ADNP2: variants seen among roughly 807,000 people sequenced by gnomAD.
The protein encoded by ADNP2 is ADNP homeobox 2, also known as activity-dependent neuroprotector homeobox protein 2.
In ADNP2, 8 loss-of-function variants were observed where a neutral mutation model predicts 16.4. The ratio of observed to expected loss-of-function variants is 0.49; its 90% confidence interval spans 0.29 to 0.88. The LOEUF (loss-of-function observed/expected upper bound fraction) is 0.88, where lower values mean the gene tolerates loss of function less well. Ranked by LOEUF, ADNP2 falls within the 40% of genes least tolerant of loss-of-function variation. The probability of loss-of-function intolerance (pLI) is 0.09; values close to 1 mark genes in which losing one functional copy is unlikely to be tolerated. For synonymous variants in ADNP2, 637 were observed against 545.8 expected, an observed-to-expected ratio of 1.17 and a Z score of -2.33; for missense variants, 1,397 against 1,395.1, an observed-to-expected ratio of 1.00 and a Z score of -0.02.
At chr18:80,112,270 C>G (rs944843579) in intron 1 of ADNP2, among the ~76,000 whole-genome samples, 2 of 152,198 alleles carry the variant, frequency 1.3e-5, no homozygotes, top group Non-Finnish European at 2.9e-5. Context: ...AAGAATGGAT[C>G]TAAGAATGAA....
chr18:80,114,297 A>C (rs142894143), intron 1 of ADNP2, among the ~76,000 whole-genome samples: 1 of 152,334 alleles, frequency 6.6e-6, no homozygotes, highest in African/African-American at 2.4e-5. Context: ...AGATGTTAGT[A>C]ATCTTAATAG....
At chr18:80,112,668 ATC>A (rs771258034) in intron 1 of ADNP2, among the ~76,000 whole-genome samples, 6 of 152,136 alleles carry the variant, frequency 3.9e-5, no homozygotes, top group Non-Finnish European at 8.8e-5. Flanking sequence ...CCCCTGCCCA[ATC>A]TCTGAGAGCC....
chr18:80,112,200 A>G (rs1378568137), intron 1 of ADNP2, among the ~76,000 whole-genome samples: 1 of 152,182 alleles, frequency 6.6e-6, no homozygotes, highest in African/African-American at 2.4e-5. Flanking sequence ...TTCATAGTTA[A>G]TTCATCCACT....
chr18:80,123,663 C>T (rs566561038), intron 2 of ADNP2, among the ~76,000 whole-genome samples: 45 of 152,070 alleles, frequency 3.0e-4, no homozygotes, highest in African/African-American at 9.9e-4. Context: ...GCCACTGTGC[C>T]TGGCCCCTCC....
In ADNP2 at chr18:80,136,036, A is replaced by G; in HGVS notation, c.623A>G (p.Lys208Arg). 6.2e-7 allele frequency: 1 copy of G among 1,614,236 alleles called. No individual in the cohort carries two copies. Among genetic ancestry groups the G allele is most frequent in the Non-Finnish European group, 8.5e-7 (1 of 1,180,040 alleles). Residue 208 changes from lysine to arginine, a missense_variant, in exon 4 of 4, where the codon AAG becomes AGG. Around this residue, in one of 3 missense-constraint regions of ADNP2, gnomAD observed 777 missense variants for 719.4 expected, o/e 1.08. Transcript: ENST00000262198. ...ACTAACGATACTGTTTCTATAGAGA[A>G]GATCCCACCACCTGACAAATATTAC... Reference protein sequence around the residue: ...PKTNDTVSIEKIPPPDKYYCK... With the variant: ...PKTNDTVSIERIPPPDKYYCK...
At chr18:80,113,591 T>C (rs1349084070) in intron 1 of ADNP2, among the ~76,000 whole-genome samples, 1 of 152,266 alleles carries the variant, frequency 6.6e-6, no homozygotes, top group Admixed American at 6.5e-5. Flanking sequence ...ACTTTCTGCA[T>C]ATCTTACGGT....
chr18:80,119,304 TG>T (rs1568409359), intron 2 of ADNP2, among the ~76,000 whole-genome samples: 1 of 150,912 alleles, frequency 6.6e-6, no homozygotes, highest in Admixed American at 6.6e-5. Context: ...GGAAGCCTCT[TG>T]GGGGGCTTAG....
rs746627466 is a variant in ADNP2 at position 80,137,688 on chromosome 18, G to A, written c.2275G>A (p.Glu759Lys). ...CLSCKCLVSE[E>K]ELIHHLLMHG... ...GTCTTGTAAGTGCTTGGTCTCTGAG[G>A]AAGAGCTTATACACCACTTGCTGAT... The change falls in exon 4 of 4, where the codon GAA becomes AAA. Residue 759 changes from glutamate to lysine, a missense_variant. This residue lies in a region of ADNP2 where 611 missense variants were observed against 648.7 expected (regional missense o/e 0.94). Transcript: ENST00000262198. This position sits in a 1 kb window ranked among gnomAD's most constrained non-coding sequence, Gnocchi z 4.2. 2 of 1,614,222 alleles carry A rather than the reference G, an allele frequency of 1.2e-6. No homozygotes were observed. The highest frequency in any genetic ancestry group is 3.3e-5 in the Admixed American group (2 of 60,028).
chr18:80,114,825 G>T (rs752022993), intron 1 of ADNP2, among the ~76,000 whole-genome samples: 5 of 152,072 alleles, frequency 3.3e-5, no homozygotes, highest in Non-Finnish European at 5.9e-5. Flanking sequence ...TTGACAGCTA[G>T]GGCTGGAATC....
At chr18:80,123,627 C>T (rs529674591) in intron 2 of ADNP2, among the ~76,000 whole-genome samples, 13 of 152,312 alleles carry the variant, frequency 8.5e-5, no homozygotes, top group Admixed American at 5.9e-4. Context: ...CCTCGGCCTC[C>T]CAAAGTGCTG....
intron 1 of ADNP2, among the ~76,000 whole-genome samples, chr18:80,116,837 T>A (rs1272014640): frequency 1.3e-5 from 2 of 152,294 alleles, no homozygotes; most frequent in South Asian, 4.1e-4. Flanking sequence ...GGTTTCACCA[T>A]GTTGCCCTGG....
At position 80,117,644 on chromosome 18, in the gene ADNP2, A is replaced by T; in HGVS notation, c.102A>T (p.Leu34Phe). 1 of 1,601,478 alleles carries T rather than the reference A, an allele frequency of 6.2e-7. No individual in the cohort carries two copies. Among genetic ancestry groups the T allele is most frequent in the Non-Finnish European group, 8.5e-7 (1 of 1,175,982 alleles). Residue 34 changes from leucine (L) to phenylalanine (F), a missense_variant, in exon 2 of 4, where the codon TTA becomes TTT. Physicochemically the swap from Leu to Phe is conservative, Grantham distance 22. This residue lies in a region of ADNP2 where 777 missense variants were observed against 719.4 expected (regional missense o/e 1.08). Transcript: ENST00000262198. Reference sequence around the variant, plus strand: ...TTGGGCTTGACAGCTGCAAGGAGTTACTGAAGGTAAGAGGACGTAAGTAGC... The same window carrying T: ...TTGGGCTTGACAGCTGCAAGGAGTTTCTGAAGGTAAGAGGACGTAAGTAGC... ...VDIGLDSCKE[L>F]LKDLKGFDPG...
intron 2 of ADNP2, among the ~76,000 whole-genome samples, chr18:80,128,839 T>A (rs1292457556): frequency 1.3e-5 from 2 of 152,152 alleles, no homozygotes; most frequent in African/African-American, 4.8e-5. Flanking sequence ...CTATGAATGT[T>A]TGAAAATGCA....
At position 80,113,495 on chromosome 18, in the gene ADNP2, CAAT is replaced by C. The variant is rs983149640; in HGVS notation, c.-14+4027_-14+4029del. ...AATTCAGACTTTTCCTTCTTTACCT[CAAT>C]AATTTTTTGATGCTAATTTATTCAC... On this transcript the variant is annotated intron_variant, in intron 1 of 3. Transcript: ENST00000262198. Among the ~76,000 whole-genome samples, 482 of 152,262 alleles carry C rather than the reference CAAT, an allele frequency of 3.2e-3. 4 individuals carry two copies. Among genetic ancestry groups the C allele is most frequent in the African/African-American group, 0.011 (461 of 41,548 alleles).
At chr18:80,123,896 A>G (rs1255442691) in intron 2 of ADNP2, among the ~76,000 whole-genome samples, 1 of 151,366 alleles carries the variant, frequency 6.6e-6, no homozygotes, top group African/African-American at 2.4e-5. Context: ...TGCCCAGCTA[A>G]TTTTTGTATT....
intron 2 of ADNP2, among the ~76,000 whole-genome samples, chr18:80,123,076 AT>A (rs958627029): frequency 6.6e-5 from 10 of 151,558 alleles, no homozygotes; most frequent in Non-Finnish European, 1.0e-4. Context: ...TAACCATGTG[AT>A]TTTTTTCCCC....
At chr18:80,133,044 T>G (rs772351591) in intron 2 of ADNP2, 59 bp from the exon 3 acceptor site, 23 of 1,227,192 alleles carry the variant, frequency 1.9e-5, no homozygotes, top group Non-Finnish European at 2.7e-5. Flanking sequence ...AGGTTCTAAT[T>G]AAATATTTCT....
At chr18:80,135,486 A>G in intron 3 of ADNP2, 126 bp from the exon 4 acceptor site, 2 of 1,021,972 alleles carry the variant, frequency 2.0e-6, no homozygotes, top group East Asian at 5.2e-5. Flanking sequence ...CCTGGGTTAG[A>G]AAACATTAAG....
In ADNP2 at chr18:80,136,821, A is replaced by G; in HGVS notation, c.1408A>G (p.Thr470Ala). The G allele has an allele frequency of 1.2e-6, 2 of 1,613,126 alleles. No homozygotes were observed. The highest frequency in any genetic ancestry group is 1.7e-6 in the Non-Finnish European group (2 of 1,179,414). Residue 470 changes from threonine to alanine, a missense_variant, in exon 4 of 4, where the codon ACA (threonine) becomes GCA (alanine). Around this residue, in one of 3 missense-constraint regions of ADNP2, gnomAD observed 777 missense variants for 719.4 expected, o/e 1.08. Transcript: ENST00000262198. ...MTPAGVIPGQ[T>A]ATSGVLPTGQ... ...TCCTGCAGGGGTTATCCCTGGGCAAACAGCAACTTCTGGGGTTCTTCCTAC... is the reference window on the plus strand; with the variant it reads ...TCCTGCAGGGGTTATCCCTGGGCAAGCAGCAACTTCTGGGGTTCTTCCTAC...
Sources: gnomAD v4.1 joint callset for allele counts (sites outside exome capture counted in the v4.1 genomes callset) on GRCh38, gnomAD v4.1.1 for gene constraint, gnomAD v4.1.1 regional missense constraint, Gnocchi (gnomAD v3.1) non-coding constraint, MANE v1.5 for transcripts, NCBI Gene and HGNC (gene_info 2026-07-23, HGNC 2026-07-21) for gene names.